Variants in ARFGEF2 observed in about 807,000 individuals in gnomAD.
ARFGEF2 encodes the protein ARF guanine nucleotide exchange factor 2.
Under a neutral mutation model 219.9 loss-of-function variants are expected in ARFGEF2, and 74 were observed. The ratio of observed to expected loss-of-function variants is 0.34; its 90% CI spans 0.28 to 0.41. ARFGEF2 has a LOEUF of 0.41. Among genes scored for constraint, ARFGEF2 ranks in the 10% least tolerant of loss-of-function variants. ARFGEF2 has a pLI of 1.00. For missense variants in ARFGEF2, 1,743 were observed against 2,218.3 expected (o/e 0.79, Z 4.30); for synonymous variants, 733 against 799.2 (o/e 0.92, Z 1.40).
intron 25 of ARFGEF2, among the ~76,000 whole-genome samples, chr20:49,003,508 G>A (rs1333526190): frequency 6.6e-6 from 1 of 151,932 alleles, no homozygotes; most frequent in Non-Finnish European, 1.5e-5. Flanking sequence ...AGGAGGTTGA[G>A]GCAGGAGAAT....
chr20:48,935,506 C>G (rs2090942399), intron 1 of ARFGEF2, among the ~76,000 whole-genome samples: 1 of 152,244 alleles, frequency 6.6e-6, no homozygotes, highest in East Asian at 1.9e-4. Context: ...TCTACACAGA[C>G]ACGGCAACCA....
rs201168593 is a variant in ARFGEF2 at position 48,941,899 on chromosome 20, T to C, written c.188T>C (p.Ile63Thr). The C allele has an allele frequency of 3.8e-5, 61 of 1,614,102 alleles. No individual in the cohort carries two copies. Among genetic ancestry groups the C allele is most frequent in the Non-Finnish European group, 4.7e-5 (56 of 1,180,040 alleles). The change falls in exon 3 of 39, where the codon ATT (isoleucine) becomes ACT (threonine). Residue 63 changes from isoleucine to threonine, a missense_variant. This residue lies in a region of ARFGEF2 where 394 missense variants were observed against 426.6 expected (regional missense o/e 0.92). Coordinates refer to ENST00000371917, the MANE Select transcript of ARFGEF2 (RefSeq NM_006420.3). ...GCTGCACCACCAAAGGCAAACTTCA[T>C]TGAAGCTGACAAGTATTTTCTTCCA... ...GTAAPPKANF[I>T]EADKYFLPFE...
chr20:48,958,487 A>G (rs1046990077), intron 6 of ARFGEF2, among the ~76,000 whole-genome samples: 1 of 149,722 alleles, frequency 6.7e-6, no homozygotes, highest in Admixed American at 6.7e-5. Context: ...CCCAGGCTGG[A>G]GTGCAGTGGC....
chr20:48,935,090 T>C (rs972402090), intron 1 of ARFGEF2, among the ~76,000 whole-genome samples: 2 of 123,556 alleles, frequency 1.6e-5, no homozygotes, highest in African/African-American at 7.4e-5. Context: ...TTGATTTGCA[T>C]TTCTCTCTTT....
chr20:48,999,098 C>T (rs2091409018), intron 25 of ARFGEF2: 7 of 324,002 alleles, frequency 2.2e-5, no homozygotes, highest in South Asian at 4.9e-5. Context: ...ATTAGCTGGG[C>T]GTGGTGGTGT....
intron 6 of ARFGEF2, among the ~76,000 whole-genome samples, chr20:48,958,570 G>A (rs1253080594): frequency 1.3e-5 from 2 of 151,642 alleles, no homozygotes. Flanking sequence ...CCGAGTAGCT[G>A]GGACTACAGG....
rs372376922 is a variant in ARFGEF2, at chr20:49,010,271, C to G, written c.3624C>G (p.Ala1208=). 27 of 1,614,216 alleles carry G rather than the reference C, an allele frequency of 1.7e-5. No individual in the cohort carries two copies. Among genetic ancestry groups the G allele is most frequent in the Non-Finnish European group, 2.0e-5 (24 of 1,180,038 alleles). ...TIRDMAIRCI[A]QMVNSQAANI... ...GGGACATGGCGATCCGCTGCATTGC[C>G]CAGATGGTGAACTCCCAGGCGGCCA... Residue 1208 remains alanine, a synonymous_variant, in exon 27 of 39, where the codon GCC becomes GCG. Coordinates refer to ENST00000371917, the MANE Select transcript of ARFGEF2 (RefSeq NM_006420.3).
chr20:49,036,020 G>A lies in ARFGEF2; in HGVS notation c.*2821G>A, dbSNP rs940281807. 2.3e-5 allele frequency: 9 copies of A among 383,552 alleles called. No individual in the cohort carries two copies. Among genetic ancestry groups the A allele is most frequent in the African/African-American group, 4.2e-5 (2 of 47,150 alleles). 23.8% of individuals were successfully genotyped at this position (383,552 alleles called of 1,614,324 possible). The stretch of plus-strand genomic sequence containing the variant: ...AAAAAAAAAAACCTGTATTTTTTTT[G>A]TTGTTCTTTTGTGATTAAGGATATA... On this transcript the variant is annotated 3_prime_UTR_variant, in exon 39 of 39. Transcript: ENST00000371917.
intron 26 of ARFGEF2, among the ~76,000 whole-genome samples, chr20:49,008,182 GA>G (rs1323851228): frequency 6.6e-6 from 1 of 152,072 alleles, no homozygotes; most frequent in Non-Finnish European, 1.5e-5. Context: ...TAGTTTTCTA[GA>G]AAAAAACAAA....
intron 31 of ARFGEF2, 142 bp from the exon 32 acceptor site, chr20:49,017,107 C>A: frequency 1.3e-6 from 1 of 745,772 alleles, no homozygotes. Context: ...AATTTTAATA[C>A]TGTCTGTAGC....
chr20:49,015,525 G>A (rs758527499), intron 30 of ARFGEF2, among the ~76,000 whole-genome samples: 1 of 152,182 alleles, frequency 6.6e-6, no homozygotes, highest in Non-Finnish European at 1.5e-5. Context: ...GCACTGAAAT[G>A]AACATTTTTT....
At position 49,004,986 on chromosome 20, in the gene ARFGEF2, G is replaced by A. The variant is rs775921228; in HGVS notation, c.3433-84G>A. ...TCCCTGAATGTTTGTTTTGAAGGTAGGCTGTCCATCTTTGCTGTTGAGAGA... is the reference window on the plus strand; with the variant it reads ...TCCCTGAATGTTTGTTTTGAAGGTAAGCTGTCCATCTTTGCTGTTGAGAGA... On this transcript the variant is annotated intron_variant, in intron 25 of 38. Coordinates refer to ENST00000371917, the MANE Select transcript of ARFGEF2 (RefSeq NM_006420.3). 4.1e-6 allele frequency: 6 copies of A among 1,452,884 alleles called. 1 individual carries two copies. In the South Asian group the frequency reaches 4.6e-5, roughly 11 times the overall value. The allele number at this position is 1,452,884 out of a possible 1,614,324, so 90.0% of individuals were successfully genotyped here. A position where few individuals can be genotyped will look rare whatever the true frequency, so the allele number is the denominator to read the frequency against.
intron 9 of ARFGEF2, 126 bp downstream of exon 9, chr20:48,969,403 AACGGTTTT>A: frequency 6.4e-7 from 1 of 1,571,342 alleles, no homozygotes; most frequent in Non-Finnish European, 8.7e-7. Context: ...TAAGTGCAGG[AACGGTTTT>A]ACAACTTTTC....
chr20:48,988,476 T>G lies in ARFGEF2; in HGVS notation c.2362-15T>G, dbSNP rs763920244. 2.5e-6 allele frequency: 4 copies of G among 1,611,012 alleles called. No homozygotes were observed. In the African/African-American group the frequency reaches 4.0e-5, roughly 16 times the overall value. Reference sequence around the variant, plus strand: ...GGATGTTTTTTAAATGGTTTTTAATTTTTTTTAATTACAGGTAAAAAATAA... The same window carrying G: ...GGATGTTTTTTAAATGGTTTTTAATGTTTTTTAATTACAGGTAAAAAATAA... On this transcript the variant is annotated splice_polypyrimidine_tract_variant and intron_variant, in intron 17 of 38. Coordinates refer to ENST00000371917, the MANE Select transcript of ARFGEF2 (RefSeq NM_006420.3).
At chr20:49,031,941 A>G in intron 37 of ARFGEF2, 108 bp from the exon 38 acceptor site, 1 of 939,370 alleles carries the variant, frequency 1.1e-6, no homozygotes, top group South Asian at 1.4e-5. Context: ...TAATTAAAAA[A>G]AACATGTTAA....
chr20:48,988,812 A>G (rs1026298621), intron 18 of ARFGEF2, 150 bp downstream of exon 18: 22 of 790,324 alleles, frequency 2.8e-5, no homozygotes, highest in Non-Finnish European at 4.0e-5. Flanking sequence ...TTATGTTGGG[A>G]CTTTTATAAT....
intron 3 of ARFGEF2, among the ~76,000 whole-genome samples, chr20:48,950,013 G>A (rs1386113804): frequency 6.6e-6 from 1 of 152,106 alleles, no homozygotes; most frequent in Non-Finnish European, 1.5e-5. Flanking sequence ...GGTCTGGGTC[G>A]GAGTCCAGGA....
chr20:49,025,364 T>C lies in ARFGEF2; in HGVS notation c.4807T>C (p.Tyr1603His). The C allele has an allele frequency of 6.2e-7, 1 of 1,614,004 alleles. No individual in the cohort carries two copies. ...CATAGAGACGGAGGATCAGGGCATG[T>C]ATAAGTACATGTCTTCCCAGCACCT... Reference protein sequence around the residue: ...IHIETEDQGMYKYMSSQHLFK... With the variant: ...IHIETEDQGMHKYMSSQHLFK... The change falls in exon 36 of 39, where the codon TAT (tyrosine) becomes CAT (histidine). Residue 1603 changes from tyrosine (Y) to histidine (H), a missense_variant. This residue lies in a region of ARFGEF2 where 578 missense variants were observed against 664.0 expected (regional missense o/e 0.87). Coordinates refer to ENST00000371917, the MANE Select transcript of ARFGEF2 (RefSeq NM_006420.3).
chr20:49,000,570 A>T (rs1429448259), intron 25 of ARFGEF2, among the ~76,000 whole-genome samples: 1 of 152,188 alleles, frequency 6.6e-6, no homozygotes, highest in Non-Finnish European at 1.5e-5. Context: ...ACAAATTCCT[A>T]ATTGGACCAA....
Sources: allele counts gnomAD v4.1 joint callset (sites outside exome capture counted in the v4.1 genomes callset), GRCh38; gene constraint gnomAD v4.1.1; regional missense constraint gnomAD v4.1.1; transcripts MANE v1.5; gene names NCBI Gene and HGNC (gene_info 2026-07-23, HGNC 2026-07-21).